Variants in ZNF546 observed in about 807,000 individuals in gnomAD.
The protein encoded by ZNF546 is CTC-471F3.6.
Under a neutral mutation model 76.2 loss-of-function variants are expected in ZNF546, and 60 were observed. The observed-to-expected ratio is 0.79, with a 90% confidence interval of 0.64 to 0.98. The LOEUF is 0.98. ZNF546 is among the 50% of genes least tolerant of loss of function. The probability of loss-of-function intolerance (pLI) is 0.00; values close to 1 mark genes in which losing one functional copy is unlikely to be tolerated. For synonymous variants in ZNF546, 277 were observed against 328.1 expected (o/e 0.84, Z 1.68); for missense variants, 936 against 1,035.6 (o/e 0.90, Z 1.32).
intron 3 of ZNF546, among the ~76,000 whole-genome samples, chr19:39,998,854 C>T (rs1210869839): frequency 2.0e-5 from 3 of 152,126 alleles, no homozygotes; most frequent in African/African-American, 7.2e-5. Context: ...CTTACTGCAG[C>T]CTCTGCCTCC....
intron 3 of ZNF546, among the ~76,000 whole-genome samples, chr19:40,004,764 C>T (rs1295548940): frequency 6.6e-6 from 1 of 151,968 alleles, no homozygotes; most frequent in African/African-American, 2.4e-5. Flanking sequence ...ATTGTACATT[C>T]TGGGTTTTAA....
rs950166116 is a variant in ZNF546, at chr19:40,017,125, A to T, written c.*1344A>T. The T allele has an allele frequency of 3.3e-5, 5 of 152,220 alleles. No homozygotes were observed. Among genetic ancestry groups the T allele is most frequent in the African/African-American group, 7.2e-5 (3 of 41,446 alleles). 9.4% of individuals were successfully genotyped at this position (152,220 alleles called of 1,614,324 possible). A position where few individuals can be genotyped will look rare whatever the true frequency, so the allele number is the denominator to read the frequency against. ...CTCCTTATTTAGATTGGAATAATTA[A>T]CTGGAGATAATATCCAGTAAAATAG... On this transcript the variant is annotated 3_prime_UTR_variant, in exon 7 of 7. Transcript: ENST00000347077.
rs2144653940 is a variant in ZNF546, at chr19:40,015,991, A to G, written c.*210A>G. ...GATTGATACTGATGCACTGCATCCC[A>G]AACCATCAAGGGCCTTTTCCCCTAC... On this transcript the variant is annotated 3_prime_UTR_variant, in exon 7 of 7. Coordinates refer to ENST00000347077, the MANE Select transcript of ZNF546 (RefSeq NM_178544.5). 3 of 575,422 alleles carry G rather than the reference A, an allele frequency of 5.2e-6. No individual in the cohort carries two copies. In the East Asian group the frequency reaches 8.8e-5, roughly 17 times the overall value. The allele number at this position is 575,422 out of a possible 1,614,324, so 35.6% of individuals were successfully genotyped here. A position where few individuals can be genotyped will look rare whatever the true frequency, so the allele number is the denominator to read the frequency against.
intron 3 of ZNF546, among the ~76,000 whole-genome samples, chr19:40,004,633 G>A (rs538338762): frequency 1.3e-5 from 2 of 152,188 alleles, no homozygotes; most frequent in Admixed American, 1.3e-4. Context: ...ATGCAGCTTG[G>A]CAGTGCTGAC....
Position 40,016,811 on chromosome 19 carries a change from A to T in ZNF546, c.*1030A>T, listed in dbSNP as rs986595426. ...ACCAGCCTTGGCCTATCTTTATGAT[A>T]TATATAAATAATATAATTCTCATAA... On this transcript the variant is annotated 3_prime_UTR_variant, in exon 7 of 7. Transcript: ENST00000347077. The T allele has an allele frequency of 6.6e-6, 1 of 152,180 alleles. No individual in the cohort carries two copies. The highest frequency in any genetic ancestry group is 1.9e-4 in the East Asian group (1 of 5,192). The allele number at this position is 152,180 out of a possible 1,614,324, so 9.4% of individuals were successfully genotyped here. A position where few individuals can be genotyped will look rare whatever the true frequency, so the allele number is the denominator to read the frequency against.
At chr19:39,997,221 C>T (rs1274806859) in intron 1 of ZNF546, 64 bp downstream of exon 1, 1 of 152,334 alleles carries the variant, frequency 6.6e-6, no homozygotes, top group Non-Finnish European at 1.5e-5. Flanking sequence ...AAGTGAGGCG[C>T]TCCAGGGCCC....
Position 40,013,693 on chromosome 19 carries a change from T to C in ZNF546, c.423T>C (p.Asn141=). ...TDLEYKYITK[N]LLSEKNVCKI... is the part of the protein sequence containing the mutation. ...TGGAATACAAGTATATTACCAAGAA[T>C]TTGCTTTCAGAAAAGAATGTTTGCA... The change falls in exon 7 of 7, where the codon AAT becomes AAC. Residue 141 remains asparagine (N), a synonymous_variant. Transcript: ENST00000347077. The C allele has an allele frequency of 6.6e-7, 1 of 1,521,488 alleles. No individual in the cohort carries two copies. The highest frequency in any genetic ancestry group is 8.9e-7 in the Non-Finnish European group (1 of 1,124,982). 94.2% of individuals were successfully genotyped at this position (1,521,488 alleles called of 1,614,324 possible).
rs1971733368 is a variant in ZNF546, at chr19:40,014,856, A to C, written c.1586A>C (p.Glu529Ala). 6.2e-7 allele frequency: 1 copy of C among 1,613,920 alleles called. No individual in the cohort carries two copies. The highest frequency in any genetic ancestry group is 2.2e-5 in the East Asian group (1 of 44,848). Residue 529 changes from glutamate to alanine, a missense_variant, in exon 7 of 7, where the codon GAA (glutamate) becomes GCA (alanine). Transcript: ENST00000347077. ...GGTGAGAAACCCTACATATGTAACG[A>C]ATGTGGAAAAGCCTTTCGTCTTCAA... ...HTGEKPYICN[E>A]CGKAFRLQGE... is the part of the protein sequence containing the mutation.
rs914927707 is a variant in ZNF546 at position 40,019,358 on chromosome 19, C to A, written c.*3577C>A. The A allele has an allele frequency of 1.3e-5, 2 of 151,874 alleles. No individual in the cohort carries two copies. Among genetic ancestry groups the A allele is most frequent in the African/African-American group, 4.8e-5 (2 of 41,358 alleles). 9.4% of individuals were successfully genotyped at this position (151,874 alleles called of 1,614,324 possible). ...TAAAACTGTTAAAAGAATGAAGAAGCATTAAACTCAAGAAACTAAGGGAAA... is the reference window on the plus strand; with the variant it reads ...TAAAACTGTTAAAAGAATGAAGAAGAATTAAACTCAAGAAACTAAGGGAAA... On this transcript the variant is annotated 3_prime_UTR_variant, in exon 7 of 7. Coordinates refer to ENST00000347077, the MANE Select transcript of ZNF546 (RefSeq NM_178544.5).
At chr19:40,007,499 C>A (rs1264815346) in intron 5 of ZNF546, 99 bp downstream of exon 5, 2 of 1,235,052 alleles carry the variant, frequency 1.6e-6, no homozygotes, top group Admixed American at 2.9e-5. Context: ...CTGACTGACA[C>A]CCCTATTTCT....
chr19:40,005,617 T>A (rs1021898655), intron 3 of ZNF546, among the ~76,000 whole-genome samples: 1 of 151,988 alleles, frequency 6.6e-6, no homozygotes, highest in African/African-American at 2.4e-5. Flanking sequence ...GAATTGCTCA[T>A]GCTTAAGTTT....
chr19:40,011,032 A>T (rs1004026346), intron 6 of ZNF546, among the ~76,000 whole-genome samples: 1 of 152,056 alleles, frequency 6.6e-6, no homozygotes, highest in Non-Finnish European at 1.5e-5. Flanking sequence ...GGGTTTTGAG[A>T]GTCCCTTATA....
At chr19:40,009,793 T>C (rs1242611419) in intron 6 of ZNF546, among the ~76,000 whole-genome samples, 1 of 152,218 alleles carries the variant, frequency 6.6e-6, no homozygotes, top group African/African-American at 2.4e-5. Flanking sequence ...AAAATTTAGC[T>C]TCATTCACTC....
chr19:40,014,148 G>T lies in ZNF546; in HGVS notation c.878G>T (p.Arg293Ile). 6.2e-7 allele frequency: 1 copy of T among 1,613,794 alleles called. No homozygotes were observed. Among genetic ancestry groups the T allele is most frequent in the Non-Finnish European group, 8.5e-7 (1 of 1,179,904 alleles). The change falls in exon 7 of 7, where the codon AGA (arginine) becomes ATA (isoleucine). Residue 293 changes from arginine to isoleucine, a missense_variant. Transcript: ENST00000347077. ...CATTATCACCTTACTGAACATCAGA[G>T]AATACATTCTGGTGTGAAACCCTAC... ...RLHYHLTEHQ[R>I]IHSGVKPYEC...
intron 6 of ZNF546, among the ~76,000 whole-genome samples, chr19:40,010,402 GA>G (rs552930374): frequency 0.029 from 3,217 of 112,794 alleles, 50 homozygotes; most frequent in South Asian, 0.069. Context: ...GATAATGTCT[GA>G]AAAAAAAAAA....
intron 4 of ZNF546, among the ~76,000 whole-genome samples, 196 bp downstream of exon 4, chr19:40,006,378 T>C (rs928393258): frequency 6.6e-6 from 1 of 152,304 alleles, no homozygotes; most frequent in Middle Eastern, 3.4e-3. Context: ...CTCTTATCTG[T>C]GCTCAAACAT....
chr19:40,004,625 G>A (rs1971579687), intron 3 of ZNF546, among the ~76,000 whole-genome samples: 1 of 152,130 alleles, frequency 6.6e-6, no homozygotes, highest in Admixed American at 6.5e-5. Context: ...GTAATGTCAT[G>A]CAGCTTGGCA....
At position 40,015,597 on chromosome 19, in the gene ZNF546, C is replaced by A; in HGVS notation, c.2327C>A (p.Pro776His). ...RHHIVHTGEK[P>H]YKCKECGKAF... Reference sequence around the variant, plus strand: ...CACATAGTTCACACGGGTGAGAAACCCTATAAATGTAAAGAATGTGGGAAA... The same window carrying A: ...CACATAGTTCACACGGGTGAGAAACACTATAAATGTAAAGAATGTGGGAAA... Residue 776 changes from proline (P) to histidine (H), a missense_variant, in exon 7 of 7, where the codon CCC (proline) becomes CAC (histidine). Transcript: ENST00000347077. 6.2e-7 allele frequency: 1 copy of A among 1,614,026 alleles called. No individual in the cohort carries two copies. Among genetic ancestry groups the A allele is most frequent in the Non-Finnish European group, 8.5e-7 (1 of 1,180,016 alleles).
chr19:40,015,651 G>A lies in ZNF546; in HGVS notation c.2381G>A (p.Arg794Gln), dbSNP rs771279283. 1.0e-5 allele frequency: 16 copies of A among 1,606,222 alleles called. No individual in the cohort carries two copies. The highest frequency in any genetic ancestry group is 6.8e-5 in the East Asian group (3 of 44,204). ...TTCAGTGTTAATTCAGAACTTACTC[G>A]ACATCACAGAATTCATACTGGTGAA... ...KAFSVNSELT[R>Q]HHRIHTGEKP... is the part of the protein sequence containing the mutation. The change falls in exon 7 of 7, where the codon CGA becomes CAA. Residue 794 changes from arginine (R) to glutamine (Q), a missense_variant. Coordinates refer to ENST00000347077, the MANE Select transcript of ZNF546 (RefSeq NM_178544.5).
Sources: allele counts gnomAD v4.1 joint callset (sites outside exome capture counted in the v4.1 genomes callset), GRCh38; gene constraint gnomAD v4.1.1; transcripts MANE v1.5; gene names NCBI Gene and HGNC (gene_info 2026-07-23, HGNC 2026-07-21).